Variants in KHDRBS2 observed in about 807,000 individuals in gnomAD.
KHDRBS2 encodes the protein KH RNA binding domain containing, signal transduction associated 2.
KHDRBS2 carries 26 observed loss-of-function variants against 44.3 expected under a neutral mutation model. That is an observed-to-expected ratio of 0.59 (90% CI 0.43 to 0.81). The LOEUF is 0.81. Ranked by LOEUF, KHDRBS2 falls within the 40% of genes least tolerant of loss-of-function variation. The pLI, the probability that KHDRBS2 is intolerant of heterozygous loss-of-function variation, is 0.00. For missense variants in KHDRBS2, 476 were observed against 433.1 expected (o/e 1.10, Z -0.88); for synonymous variants, 194 against 151.1 (o/e 1.28, Z -2.08).
intron 6 of KHDRBS2, among the ~76,000 whole-genome samples, chr6:61,869,783 G>C (rs1366850250): frequency 6.6e-6 from 1 of 151,986 alleles, no homozygotes; most frequent in Non-Finnish European, 1.5e-5. Flanking sequence ...CTACCCAATG[G>C]AAGCCATGAG....
chr6:62,282,782 T>C (rs1204657502), intron 1 of KHDRBS2, among the ~76,000 whole-genome samples: 2 of 152,106 alleles, frequency 1.3e-5, no homozygotes, highest in East Asian at 3.8e-4. Context: ...GTTCCGAATA[T>C]ACAAACATCA....
intron 2 of KHDRBS2, among the ~76,000 whole-genome samples, chr6:62,054,360 C>A (rs1789787133): frequency 6.6e-6 from 1 of 152,030 alleles, no homozygotes; most frequent in South Asian, 2.1e-4. Context: ...ATCCAGAATC[C>A]ATTAACAGAC....
the KHDRBS2 span, among the ~76,000 whole-genome samples, chr6:61,611,270 C>T: frequency 3.3e-5 from 5 of 152,186 alleles, no homozygotes; most frequent in Admixed American, 1.3e-4. Flanking sequence ...GAGAGCTTTA[C>T]ATTCACCTGG....
At chr6:62,061,883 T>G (rs1792019275) in intron 2 of KHDRBS2, among the ~76,000 whole-genome samples, 1 of 151,276 alleles carries the variant, frequency 6.6e-6, no homozygotes, top group South Asian at 2.1e-4. Context: ...CTTTTTATTC[T>G]TTTTTCTCTA....
intron 6 of KHDRBS2, among the ~76,000 whole-genome samples, chr6:61,792,664 C>T (rs1160944424): frequency 2.0e-5 from 3 of 151,566 alleles, no homozygotes; most frequent in African/African-American, 2.4e-5. Flanking sequence ...ATGACAACTG[C>T]GAATTAGAAA....
intron 7 of KHDRBS2, among the ~76,000 whole-genome samples, chr6:61,714,780 G>A (rs1771107813): frequency 6.6e-6 from 1 of 151,880 alleles, no homozygotes; most frequent in South Asian, 2.1e-4. Flanking sequence ...ACTATCTTAA[G>A]TGAAATAACT....
At chr6:62,199,948 G>T (rs976619942) in intron 1 of KHDRBS2, among the ~76,000 whole-genome samples, 4 of 152,254 alleles carry the variant, frequency 2.6e-5, no homozygotes, top group Middle Eastern at 3.4e-3. Context: ...ACAACTATCT[G>T]ATCTTTGACA....
At chr6:62,049,176 C>G (rs1788419991) in intron 2 of KHDRBS2, among the ~76,000 whole-genome samples, 1 of 151,224 alleles carries the variant, frequency 6.6e-6, no homozygotes, top group Non-Finnish European at 1.5e-5. Flanking sequence ...GGTATAATGC[C>G]CAAAAAGACT....
intron 6 of KHDRBS2, among the ~76,000 whole-genome samples, chr6:61,854,548 T>C (rs1795895663): frequency 2.0e-5 from 3 of 152,134 alleles, no homozygotes; most frequent in Admixed American, 1.3e-4. Flanking sequence ...ACTTGAGCTT[T>C]ATGAAACAAA....
chr6:62,137,243 C>T (rs558380836), intron 2 of KHDRBS2, among the ~76,000 whole-genome samples: 51 of 152,086 alleles, frequency 3.4e-4, no homozygotes, highest in African/African-American at 9.9e-4. Flanking sequence ...CCTCAGGATC[C>T]GCCCGCCTTG....
At chr6:61,793,289 G>T (rs960253584) in intron 6 of KHDRBS2, among the ~76,000 whole-genome samples, 7 of 151,852 alleles carry the variant, frequency 4.6e-5, no homozygotes, top group Admixed American at 3.9e-4. Flanking sequence ...TGTACAAAAC[G>T]AACAAGTAAA....
chr6:61,671,530 AC>A, the KHDRBS2 span, among the ~76,000 whole-genome samples: 1 of 151,760 alleles, frequency 6.6e-6, no homozygotes, highest in African/African-American at 2.4e-5. Flanking sequence ...TCCAATGCAC[AC>A]TGTAAATATT....
the KHDRBS2 span, among the ~76,000 whole-genome samples, chr6:61,597,773 T>TATATATATATATACACAC: frequency 9.4e-5 from 4 of 42,350 alleles, no homozygotes; most frequent in Non-Finnish European, 1.9e-4. Context: ...TATATATATA[T>TATATATATATATACACAC]ACACCAAGAT....
At chr6:61,662,518 C>A in the KHDRBS2 span, among the ~76,000 whole-genome samples, 2 of 152,090 alleles carry the variant, frequency 1.3e-5, no homozygotes, top group Non-Finnish European at 2.9e-5. Flanking sequence ...GGGCTAATAT[C>A]CAGAATCTAC....
chr6:62,266,159 T>C (rs971747651), intron 1 of KHDRBS2, among the ~76,000 whole-genome samples: 1 of 152,108 alleles, frequency 6.6e-6, no homozygotes, highest in Non-Finnish European at 1.5e-5. Flanking sequence ...GCAGGTTTTA[T>C]CTGTATTACA....
At chr6:62,177,017 C>G (rs533705354) in intron 2 of KHDRBS2, among the ~76,000 whole-genome samples, 168 bp downstream of exon 2, 44 of 151,326 alleles carry the variant, frequency 2.9e-4, no homozygotes, top group Non-Finnish European at 5.6e-4. Flanking sequence ...TTACCCTCAC[C>G]ATTGCACTTT....
intron 1 of KHDRBS2, among the ~76,000 whole-genome samples, chr6:62,272,961 C>T (rs1309785547): frequency 6.6e-6 from 1 of 151,966 alleles, no homozygotes; most frequent in East Asian, 1.9e-4. Context: ...GCTGTCATTA[C>T]CTTTTCAGTT....
At position 62,076,975 on chromosome 6, in the gene KHDRBS2, G is replaced by C. The variant is rs983636921; in HGVS notation, c.220-28981C>G. ...GTGGGAGAATCACATGAGTCCAAGA[G>C]TTGAAGACTGCAATGAACTATGATT... On this transcript the variant is annotated intron_variant, in intron 2 of 8. Transcript: ENST00000281156. 2.8e-4 allele frequency among the ~76,000 whole-genome samples: 42 copies of C among 151,856 alleles called. 1 individual carries two copies. The highest frequency in any genetic ancestry group is 1.3e-4 in the Non-Finnish European group (9 of 67,944).
At chr6:61,642,978 G>T in the KHDRBS2 span, among the ~76,000 whole-genome samples, 1 of 152,102 alleles carries the variant, frequency 6.6e-6, no homozygotes, top group African/African-American at 2.4e-5. Flanking sequence ...TGCCAAAAAT[G>T]ACATTTAAAA....
Sources: allele counts gnomAD v4.1 joint callset (sites outside exome capture counted in the v4.1 genomes callset), GRCh38; gene constraint gnomAD v4.1.1; transcripts MANE v1.5; gene names NCBI Gene and HGNC (gene_info 2026-07-23, HGNC 2026-07-21).